RBM33: variants seen among roughly 807,000 people sequenced by gnomAD.
The protein encoded by RBM33 is RNA-binding protein 33.
A neutral mutation model predicts 132.6 loss-of-function variants in RBM33; 28 were observed. The ratio of observed to expected loss-of-function variants is 0.21; its 90% CI spans 0.16 to 0.29. The LOEUF (loss-of-function observed/expected upper bound fraction) is 0.29, where lower values mean the gene tolerates loss of function less well. RBM33 is among the 10% of genes least tolerant of loss of function. The pLI, the probability that RBM33 is intolerant of heterozygous loss-of-function variation, is 1.00. For synonymous variants in RBM33, 634 were observed against 593.0 expected (o/e 1.07, Z -1.01); for missense variants, 1,291 against 1,518.5 (o/e 0.85, Z 2.49).
chr7:155,737,574 C>G lies in RBM33; in HGVS notation c.1305C>G (p.Asn435Lys), dbSNP rs1231763884. ...AGCATACACCTGGACCTGTTCCCAA[C>G]AGTTTCAGCCAGCCCCCACGACTCC... ...FPQHTPGPVP[N>K]SFSQPPRLPL... is the part of the protein sequence containing the mutation. Residue 435 changes from asparagine (N) to lysine (K), a missense_variant, in exon 10 of 18, where the codon AAC becomes AAG. Asn to Lys is a moderately conservative substitution (Grantham distance 94). Coordinates refer to ENST00000401878, the MANE Select transcript of RBM33 (RefSeq NM_053043.3). 1 of 1,613,326 alleles carries G rather than the reference C, an allele frequency of 6.2e-7. No homozygotes were observed. The highest frequency in any genetic ancestry group is 1.7e-5 in the Admixed American group (1 of 59,818).
At chr7:155,715,133 T>C (rs1205790716) in intron 8 of RBM33, among the ~76,000 whole-genome samples, 2 of 152,138 alleles carry the variant, frequency 1.3e-5, no homozygotes, top group Non-Finnish European at 2.9e-5. Flanking sequence ...CGCTGATTGG[T>C]GTGGTGCCTA....
chr7:155,667,214 A>T (rs1798823144), intron 2 of RBM33, among the ~76,000 whole-genome samples: 1 of 152,218 alleles, frequency 6.6e-6, no homozygotes, highest in African/African-American at 2.4e-5. Context: ...TAATTTTTAA[A>T]GTCAGGAAGT....
At chr7:155,726,176 G>A (rs1386548250) in intron 9 of RBM33, among the ~76,000 whole-genome samples, 6 of 152,176 alleles carry the variant, frequency 3.9e-5, no homozygotes, top group Non-Finnish European at 8.8e-5. Context: ...GAGATTGGTT[G>A]TAATGTATTG....
intron 14 of RBM33, 23 bp from the exon 15 acceptor site, chr7:155,763,789 T>C (rs749225021): frequency 2.5e-6 from 4 of 1,594,738 alleles, no homozygotes; most frequent in East Asian, 4.5e-5. Flanking sequence ...CTGAACAACG[T>C]GCTGCCTTCT....
At chr7:155,657,988 T>C (rs974646324) in intron 1 of RBM33, among the ~76,000 whole-genome samples, 2 of 152,188 alleles carry the variant, frequency 1.3e-5, no homozygotes, top group Non-Finnish European at 2.9e-5. Flanking sequence ...TCTAGTTGAT[T>C]TATAGTATTT....
At chr7:155,739,687 G>GT (rs1801250361) in intron 11 of RBM33, 28 bp from the exon 12 acceptor site, 1 of 1,526,640 alleles carries the variant, frequency 6.6e-7, no homozygotes. Flanking sequence ...TTTATGAACT[G>GT]TTGTTTCTCT....
chr7:155,720,338 C>T (rs967544221), intron 9 of RBM33, among the ~76,000 whole-genome samples: 3 of 152,150 alleles, frequency 2.0e-5, no homozygotes, highest in Non-Finnish European at 2.9e-5. Context: ...CTACTTATTT[C>T]TCAAATCATT....
At chr7:155,696,559 A>G (rs1482818428) in intron 5 of RBM33, among the ~76,000 whole-genome samples, 1 of 152,190 alleles carries the variant, frequency 6.6e-6, no homozygotes, top group Non-Finnish European at 1.5e-5. Flanking sequence ...AGATTGAAGA[A>G]GGTCTTTTCT....
At chr7:155,709,384 CA>C (rs1243277094) in intron 7 of RBM33, among the ~76,000 whole-genome samples, 2 of 152,142 alleles carry the variant, frequency 1.3e-5, no homozygotes. Context: ...TCTTTAACTG[CA>C]TTTTTCTTCA....
At chr7:155,706,289 C>T (rs555698890) in intron 6 of RBM33, among the ~76,000 whole-genome samples, 7 of 152,192 alleles carry the variant, frequency 4.6e-5, no homozygotes, top group Admixed American at 1.3e-4. Flanking sequence ...CTCGGGAGTT[C>T]GGGACCAGCC....
At chr7:155,771,715 C>A (rs1352846875) in intron 16 of RBM33, among the ~76,000 whole-genome samples, 1 of 152,084 alleles carries the variant, frequency 6.6e-6, no homozygotes. Context: ...ATGATATTTT[C>A]TTTTTTCTTA....
At chr7:155,654,022 C>T (rs1798426342) in intron 1 of RBM33, among the ~76,000 whole-genome samples, 1 of 152,166 alleles carries the variant, frequency 6.6e-6, no homozygotes, top group Non-Finnish European at 1.5e-5. Context: ...CAATTTGGTA[C>T]AGTCAGCAAG....
rs369111948 is a variant in RBM33, at chr7:155,774,968, C to T, written c.3465-25C>T. 91 of 1,611,840 alleles carry T rather than the reference C, an allele frequency of 5.6e-5. 1 individual carries two copies. The highest frequency in any genetic ancestry group is 4.8e-4 in the South Asian group (44 of 91,014). On this transcript the variant is annotated intron_variant, in intron 17 of 17. Coordinates refer to ENST00000401878, the MANE Select transcript of RBM33 (RefSeq NM_053043.3). This position sits in a 1 kb window ranked among gnomAD's most constrained non-coding sequence, Gnocchi z 4.2. Reference sequence around the variant, plus strand: ...GATTGCCGATGTGCAGGGTTAGTGTCGATCGTTTCTTTAAATTTTCACAGG... The same window carrying T: ...GATTGCCGATGTGCAGGGTTAGTGTTGATCGTTTCTTTAAATTTTCACAGG...
intron 5 of RBM33, among the ~76,000 whole-genome samples, chr7:155,691,497 A>C (rs1245173831): frequency 1.3e-5 from 2 of 152,180 alleles, no homozygotes; most frequent in African/African-American, 4.8e-5. Flanking sequence ...AATTTATTTT[A>C]GTTTTTAGAT....
intron 9 of RBM33, among the ~76,000 whole-genome samples, chr7:155,722,163 G>T (rs1414448223): frequency 2.6e-5 from 4 of 151,956 alleles, no homozygotes; most frequent in Admixed American, 6.6e-5. Context: ...CGTTACATAA[G>T]TTATGAATAC....
At chr7:155,739,241 TTGTC>T (rs1801236539) in intron 11 of RBM33, 1 of 152,490 alleles carries the variant, frequency 6.6e-6, no homozygotes, top group Non-Finnish European at 1.5e-5. Context: ...GCTTTTTTTT[TTGTC>T]TTTTTTTAAA....
chr7:155,655,559 T>TTTTA (rs1554465878), intron 1 of RBM33, among the ~76,000 whole-genome samples: 3 of 148,660 alleles, frequency 2.0e-5, no homozygotes, highest in Non-Finnish European at 4.5e-5. Flanking sequence ...TTTTTTTTTT[T>TTTTA]ACTGTGCTGA....
rs1802573639 is a variant in RBM33, at chr7:155,775,404, G to C, written c.*363G>C. On this transcript the variant is annotated 3_prime_UTR_variant, in exon 18 of 18. Coordinates refer to ENST00000401878, the MANE Select transcript of RBM33 (RefSeq NM_053043.3). ...TCAGGAAAGAACATTAACGTCACAA[G>C]TTCTAAGTAGTTTTCACAGCAAAGA... The C allele has an allele frequency of 2.6e-6, 1 of 387,384 alleles. No homozygotes were observed. The highest frequency in any genetic ancestry group is 3.7e-5 in the Admixed American group (1 of 26,812). The allele number at this position is 387,384 out of a possible 1,614,324, so 24.0% of individuals were successfully genotyped here.
intron 1 of RBM33, among the ~76,000 whole-genome samples, chr7:155,647,784 G>A (rs771023572): frequency 2.0e-5 from 3 of 152,190 alleles, no homozygotes; most frequent in Non-Finnish European, 4.4e-5. Context: ...AAATGGAATT[G>A]CTATCCTTAC....
Sources: gnomAD v4.1 joint callset for allele counts (sites outside exome capture counted in the v4.1 genomes callset) on GRCh38, gnomAD v4.1.1 for gene constraint, Gnocchi (gnomAD v3.1) non-coding constraint, MANE v1.5 for transcripts, NCBI Gene and HGNC (gene_info 2026-07-23, HGNC 2026-07-21) for gene names.